ATXN1: variants seen among roughly 807,000 people sequenced by gnomAD.
ATXN1 encodes ataxin-1.
A neutral mutation model predicts 56.4 loss-of-function variants in ATXN1; 8 were observed. That is an observed-to-expected ratio of 0.14 (90% confidence interval 0.08 to 0.26). ATXN1 has a LOEUF of 0.26. ATXN1 is among the 10% of genes least tolerant of loss of function. The pLI, the probability that ATXN1 is intolerant of heterozygous loss-of-function variation, is 1.00. For synonymous variants in ATXN1, 514 were observed against 494.6 expected, an observed-to-expected ratio of 1.04 and a Z score of -0.52; for missense variants, 987 against 1,106.5, an observed-to-expected ratio of 0.89 and a Z score of 1.53.
chr6:16,712,327 G>A (rs537801111), intron 2 of ATXN1, among the ~76,000 whole-genome samples: 19 of 152,154 alleles, frequency 1.2e-4, no homozygotes, highest in Non-Finnish European at 2.4e-4. Context: ...GGTCTGTGGG[G>A]ATAACCCCTA....
chr6:16,739,187 A>AC (rs1760247034), intron 2 of ATXN1: 1 of 151,554 alleles, frequency 6.6e-6, no homozygotes, highest in African/African-American at 2.4e-5. Context: ...AAAAAAAAAA[A>AC]AACCCTGACA....
intron 6 of ATXN1, among the ~76,000 whole-genome samples, chr6:16,366,656 C>T (rs1388145274): frequency 6.6e-6 from 1 of 151,836 alleles, no homozygotes; most frequent in East Asian, 1.9e-4. Context: ...TGGCGGGCAC[C>T]TGTAATCCCA....
chr6:16,572,903 G>C (rs961282862), intron 4 of ATXN1, among the ~76,000 whole-genome samples: 2 of 152,132 alleles, frequency 1.3e-5, no homozygotes, highest in Non-Finnish European at 2.9e-5. Context: ...GAGTTAAGTG[G>C]GGCATGAATG....
intron 6 of ATXN1, among the ~76,000 whole-genome samples, chr6:16,442,428 C>A (rs1304984124): frequency 1.3e-5 from 2 of 151,740 alleles, no homozygotes; most frequent in African/African-American, 4.8e-5. Context: ...AACAATATTA[C>A]ATATAGCCAG....
At chr6:16,678,880 T>C (rs763490115) in intron 2 of ATXN1, among the ~76,000 whole-genome samples, 10 of 151,886 alleles carry the variant, frequency 6.6e-5, no homozygotes, top group Non-Finnish European at 1.2e-4. Flanking sequence ...TACAAAAACA[T>C]ACAAAATTAG....
chr6:16,632,292 C>A (rs1045967412), intron 3 of ATXN1, among the ~76,000 whole-genome samples: 5 of 152,150 alleles, frequency 3.3e-5, no homozygotes, highest in Non-Finnish European at 5.9e-5. Context: ...GGGGACCTTG[C>A]AACGTTTGCT....
At chr6:16,599,208 G>C (rs1217655183) in intron 3 of ATXN1, among the ~76,000 whole-genome samples, 2 of 152,100 alleles carry the variant, frequency 1.3e-5, no homozygotes, top group African/African-American at 4.8e-5. Flanking sequence ...ACTCTAAAGG[G>C]CCAGCCATCA....
chr6:16,547,840 T>A lies in ATXN1; in HGVS notation c.-360-25152A>T, dbSNP rs529636280. Among the ~76,000 whole-genome samples, 3 of 152,320 alleles carry A rather than the reference T, an allele frequency of 2.0e-5. No homozygotes were observed. In the East Asian group the frequency reaches 5.8e-4, roughly 29 times the overall value. On this transcript the variant is annotated intron_variant, in intron 4 of 7. Coordinates refer to ENST00000436367, the MANE Select transcript of ATXN1 (RefSeq NM_001128164.2). Reference sequence around the variant, plus strand: ...CCCACTCTAATAACCTCATCTGAACTTGGTCATATGCAAAATCTCCTTCCA... The same window carrying A: ...CCCACTCTAATAACCTCATCTGAACATGGTCATATGCAAAATCTCCTTCCA...
chr6:16,678,293 G>T (rs1157446957), intron 2 of ATXN1, among the ~76,000 whole-genome samples: 1 of 152,118 alleles, frequency 6.6e-6, no homozygotes, highest in Non-Finnish European at 1.5e-5. Context: ...AAATGTACAT[G>T]TTTGTACCAA....
intron 6 of ATXN1, among the ~76,000 whole-genome samples, chr6:16,458,644 C>G (rs1170310384): frequency 6.6e-6 from 1 of 152,168 alleles, no homozygotes; most frequent in Non-Finnish European, 1.5e-5. Flanking sequence ...GACAAACAAA[C>G]CTTGGTGGTT....
At chr6:16,649,610 T>C (rs867504761) in intron 3 of ATXN1, among the ~76,000 whole-genome samples, 4 of 152,272 alleles carry the variant, frequency 2.6e-5, no homozygotes, top group South Asian at 4.1e-4. Flanking sequence ...GTTTAAATGA[T>C]GTGAGGCTGA....
At chr6:16,516,057 G>A (rs957234384) in intron 5 of ATXN1, among the ~76,000 whole-genome samples, 5 of 152,202 alleles carry the variant, frequency 3.3e-5, no homozygotes, top group East Asian at 1.9e-4. Context: ...CTGGCAGGCC[G>A]GGGCTTTAGC....
intron 5 of ATXN1, among the ~76,000 whole-genome samples, chr6:16,492,156 C>A (rs1003517134): frequency 3.3e-5 from 5 of 152,012 alleles, no homozygotes; most frequent in Non-Finnish European, 7.4e-5. Flanking sequence ...CTAAGCCATG[C>A]CTGGACTTCG....
At chr6:16,444,805 T>C (rs754460481) in intron 6 of ATXN1, among the ~76,000 whole-genome samples, 34 of 152,218 alleles carry the variant, frequency 2.2e-4, no homozygotes, top group Non-Finnish European at 4.8e-4. Flanking sequence ...CAAAAAGAGA[T>C]GCCACCAACC....
intron 3 of ATXN1, among the ~76,000 whole-genome samples, chr6:16,622,010 G>A (rs766789735): frequency 3.4e-4 from 52 of 152,114 alleles, no homozygotes; most frequent in Middle Eastern, 3.2e-3. Context: ...GAGTTGTTGG[G>A]CTAATTCAGG....
chr6:16,630,488 T>C (rs1388859411), intron 3 of ATXN1, among the ~76,000 whole-genome samples: 1 of 152,148 alleles, frequency 6.6e-6, no homozygotes, highest in Non-Finnish European at 1.5e-5. Flanking sequence ...AGGGGATTCA[T>C]GGAGGAAAAG....
intron 4 of ATXN1, among the ~76,000 whole-genome samples, chr6:16,546,038 T>C (rs546808048): frequency 1.4e-4 from 21 of 152,322 alleles, no homozygotes; most frequent in Admixed American, 8.5e-4. Context: ...AAGGGCTTTC[T>C]TTCCTTCAGA....
rs1758428018 is a variant in ATXN1, at chr6:16,395,246, G to A, written c.-160-66776C>T. Among the ~76,000 whole-genome samples, 3 of 121,780 alleles carry A rather than the reference G, an allele frequency of 2.5e-5. No individual in the cohort carries two copies. The South Asian group carries it at 7.4e-4, about 30-fold the overall frequency. 79.9% of individuals were successfully genotyped at this position (121,780 alleles called of 152,430 possible). ...GATTGCGCCATTGCATTCCAGCCTG[G>A]CCAACAAGAGCGAAACTCCGTCTCA... On this transcript the variant is annotated intron_variant, in intron 6 of 7. Transcript: ENST00000436367.
chr6:16,386,367 G>A (rs189119810), intron 6 of ATXN1, among the ~76,000 whole-genome samples: 1 of 152,134 alleles, frequency 6.6e-6, no homozygotes. Flanking sequence ...AAAAAAATGG[G>A]GAGTTCAGGA....
Sources: allele counts gnomAD v4.1 joint callset (sites outside exome capture counted in the v4.1 genomes callset), GRCh38; gene constraint gnomAD v4.1.1; transcripts MANE v1.5; gene names NCBI Gene and HGNC (gene_info 2026-07-23, HGNC 2026-07-21).